ZNF830: variants seen among roughly 807,000 people sequenced by gnomAD.
The protein encoded by ZNF830 is zinc finger protein 830.
Under a neutral mutation model 28.1 loss-of-function variants are expected in ZNF830, and 15 were observed. The ratio of observed to expected loss-of-function variants is 0.53; its 90% confidence interval spans 0.36 to 0.82. ZNF830 has a LOEUF of 0.82. Among genes scored for constraint, ZNF830 ranks in the 40% least tolerant of loss-of-function variants. The pLI is 0.01. For synonymous variants in ZNF830, 208 were observed against 185.3 expected, an observed-to-expected ratio of 1.12 and a Z score of -0.99; for missense variants, 456 against 467.7, an observed-to-expected ratio of 0.97 and a Z score of 0.23.
rs759239283 is a variant in ZNF830, at chr17:34,961,640, T to C, written c.74T>C (p.Met25Thr). ...VINQEELRRL[M>T]KEKQRLSTSR... ...AATCAGGAAGAATTGCGGCGGTTAATGAAGGAGAAGCAGCGTCTGAGCACC... is the reference window on the plus strand; with the variant it reads ...AATCAGGAAGAATTGCGGCGGTTAACGAAGGAGAAGCAGCGTCTGAGCACC... The change falls in exon 1 of 1, where the codon ATG becomes ACG. Residue 25 changes from methionine to threonine, a missense_variant. Coordinates refer to ENST00000361952, the MANE Select transcript of ZNF830 (RefSeq NM_052857.4). The C allele has an allele frequency of 5.6e-6, 9 of 1,613,872 alleles. No individual in the cohort carries two copies. In the South Asian group the frequency reaches 6.6e-5, roughly 12 times the overall value.
rs1348064839 is a variant in ZNF830, at chr17:34,961,642, A to AAGGAGAAGCAGCGTCTG, written c.79_95dup (p.Ser32ArgfsTer6). The AAGGAGAAGCAGCGTCTG allele has an allele frequency of 6.2e-7, 1 of 1,614,030 alleles. No individual in the cohort carries two copies. The highest frequency in any genetic ancestry group is 8.5e-7 in the Non-Finnish European group (1 of 1,180,028). On this transcript the variant is annotated frameshift_variant, in exon 1 of 1. Transcript: ENST00000361952. LOFTEE classifies it high-confidence loss of function. The stretch of plus-strand genomic sequence containing the variant: ...TCAGGAAGAATTGCGGCGGTTAATG[A>AAGGAGAAGCAGCGTCTG]AGGAGAAGCAGCGTCTGAGCACCAG...
In ZNF830 at chr17:34,962,607, G is replaced by A. The variant is rs771512924; in HGVS notation, c.1041G>A (p.Glu347=). The A allele has an allele frequency of 6.2e-7, 1 of 1,613,610 alleles. No individual in the cohort carries two copies. Among genetic ancestry groups the A allele is most frequent in the East Asian group, 2.2e-5 (1 of 44,880 alleles). Residue 347 remains glutamate, a synonymous_variant, in exon 1 of 1, where the codon GAG becomes GAA. Coordinates refer to ENST00000361952, the MANE Select transcript of ZNF830 (RefSeq NM_052857.4). ...AAGAACTGCAGAAAAAGGAAGAAGA[G>A]AATGCTGACAGCGATGATGAGGGGG... The part of the protein sequence containing the change: ...TIKELQKKEE[E]NADSDDEGEL...
At position 34,963,675 on chromosome 17, in the gene ZNF830, C is replaced by G. The variant is rs142506338; in HGVS notation, c.*990C>G. The G allele has an allele frequency of 2.8e-4, 42 of 152,266 alleles. 1 individual carries two copies. Among genetic ancestry groups the G allele is most frequent in the African/African-American group, 9.9e-4 (41 of 41,538 alleles). The allele number at this position is 152,266 out of a possible 1,614,324, so 9.4% of individuals were successfully genotyped here. On this transcript the variant is annotated 3_prime_UTR_variant, in exon 1 of 1. Coordinates refer to ENST00000361952, the MANE Select transcript of ZNF830 (RefSeq NM_052857.4). ...TCATTGATAGTTTAAATCACTCCTT[C>G]CTTTAGAGATTGAGGTACTCAAATA...
rs752386722 is a variant in ZNF830, at chr17:34,962,090, G to C, written c.524G>C (p.Arg175Thr). ...GAGGAGGAGGAAGGAGATGGAGAAA[G>C]AAAAAGGGGGGACGCCAGCAAGCCG... ...EEEEEEGDGE[R>T]KRGDASKPLS... Residue 175 changes from arginine to threonine, a missense_variant, in exon 1 of 1, where the codon AGA becomes ACA. By Grantham distance (71) the Arg-to-Thr change is moderately conservative. Coordinates refer to ENST00000361952, the MANE Select transcript of ZNF830 (RefSeq NM_052857.4). 7.4e-6 allele frequency: 12 copies of C among 1,613,840 alleles called. No individual in the cohort carries two copies. Among genetic ancestry groups the C allele is most frequent in the Middle Eastern group, 3.3e-4 (2 of 6,062 alleles).
At position 34,961,766 on chromosome 17, in the gene ZNF830, A is replaced by G. The variant is rs377669068; in HGVS notation, c.200A>G (p.Gln67Arg). The change falls in exon 1 of 1, where the codon CAG becomes CGG. Residue 67 changes from glutamine to arginine, a missense_variant. Around this residue, in one of 2 missense-constraint regions of ZNF830, gnomAD observed 331 missense variants for 290.1 expected, o/e 1.14. Coordinates refer to ENST00000361952, the MANE Select transcript of ZNF830 (RefSeq NM_052857.4). ...CCGGTTAAGAGCGAGCTCCTGTGGC[A>G]GACTCACGTCCTGGGAAAGCAGCAC... ...NTPVKSELLW[Q>R]THVLGKQHRE... 2 of 1,614,126 alleles carry G rather than the reference A, an allele frequency of 1.2e-6. No homozygotes were observed. Among genetic ancestry groups the G allele is most frequent in the Non-Finnish European group, 1.7e-6 (2 of 1,180,018 alleles).
chr17:34,961,759 C>T lies in ZNF830; in HGVS notation c.193C>T (p.Leu65=), dbSNP rs749617311. ...TAACACTCCGGTTAAGAGCGAGCTC[C>T]TGTGGCAGACTCACGTCCTGGGAAA... The part of the protein sequence containing the change: ...LCNTPVKSEL[L]WQTHVLGKQH... Residue 65 remains leucine, a synonymous_variant, in exon 1 of 1, where the codon CTG becomes TTG. Transcript: ENST00000361952. 2 of 1,614,160 alleles carry T rather than the reference C, an allele frequency of 1.2e-6. No homozygotes were observed. Among genetic ancestry groups the T allele is most frequent in the African/African-American group, 1.3e-5 (1 of 75,042 alleles).
At position 34,963,171 on chromosome 17, in the gene ZNF830, A is replaced by C. The variant is rs1330131780; in HGVS notation, c.*486A>C. 3 of 167,864 alleles carry C rather than the reference A, an allele frequency of 1.8e-5. No individual in the cohort carries two copies. Among genetic ancestry groups the C allele is most frequent in the Non-Finnish European group, 2.9e-5 (2 of 68,828 alleles). 10.4% of individuals were successfully genotyped at this position (167,864 alleles called of 1,614,324 possible). A position where few individuals can be genotyped will look rare whatever the true frequency, so the allele number is the denominator to read the frequency against. On this transcript the variant is annotated 3_prime_UTR_variant, in exon 1 of 1. Coordinates refer to ENST00000361952, the MANE Select transcript of ZNF830 (RefSeq NM_052857.4). ...TTTTAGAACACTTCATAAACACATA[A>C]GTCATTGTAGGTTAATCAGTTCTCT...
In ZNF830 at chr17:34,962,422, A is replaced by G. The variant is rs1187081829; in HGVS notation, c.856A>G (p.Thr286Ala). Residue 286 changes from threonine (T) to alanine (A), a missense_variant, in exon 1 of 1, where the codon ACT becomes GCT. Physicochemically the swap from Thr to Ala is moderately conservative, Grantham distance 58 (BLOSUM62 0). Around this residue, in one of 2 missense-constraint regions of ZNF830, gnomAD observed 125 missense variants for 177.7 expected, o/e 0.70. Transcript: ENST00000361952. Reference sequence around the variant, plus strand: ...CCAAAAAGCCATGAGGCAGGTCAACACTATTTCCGAAGCCATAGTTGCCGA... The same window carrying G: ...CCAAAAAGCCATGAGGCAGGTCAACGCTATTTCCGAAGCCATAGTTGCCGA... ...EFQKAMRQVN[T>A]ISEAIVAEED... 3.7e-6 allele frequency: 6 copies of G among 1,614,080 alleles called. No homozygotes were observed. The highest frequency in any genetic ancestry group is 5.1e-6 in the Non-Finnish European group (6 of 1,180,048).
In ZNF830 at chr17:34,961,584, C is replaced by T. The variant is rs770502503; in HGVS notation, c.18C>T (p.Ser6=). 8 of 1,613,840 alleles carry T rather than the reference C, an allele frequency of 5.0e-6. No individual in the cohort carries two copies. In the South Asian group the frequency reaches 7.7e-5, roughly 16 times the overall value. Reference sequence around the variant, plus strand: ...TCGCCAAGATGGCGTCCTCCGCCTCCGCCCGGACTCCGGCAGGGAAGCGAG... The same window carrying T: ...TCGCCAAGATGGCGTCCTCCGCCTCTGCCCGGACTCCGGCAGGGAAGCGAG... MASSA[S]ARTPAGKRVI... is the part of the protein sequence containing the mutation. Residue 6 remains serine (S), a synonymous_variant, in exon 1 of 1, where the codon TCC becomes TCT. Coordinates refer to ENST00000361952, the MANE Select transcript of ZNF830 (RefSeq NM_052857.4).
Position 34,962,468 on chromosome 17 carries a change from TG to T in ZNF830, c.904del (p.Asp302ThrfsTer11), listed in dbSNP as rs2090431982. The T allele has an allele frequency of 6.2e-7, 1 of 1,614,088 alleles. No individual in the cohort carries two copies. ...GCCGAAGAGGATGAGGAGGGACGGT[TG>T]GACCGCCAGATTGGGGAGATCGATG... ...IVAEEDEEGR[L>X]DRQIGEIDEQ... On this transcript the variant is annotated frameshift_variant, in exon 1 of 1. Coordinates refer to ENST00000361952, the MANE Select transcript of ZNF830 (RefSeq NM_052857.4). LOFTEE classifies it high-confidence loss of function.
rs770502503 is a variant in ZNF830, at chr17:34,961,584, C to A, written c.18C>A (p.Ser6=). MASSA[S]ARTPAGKRVI... Reference sequence around the variant, plus strand: ...TCGCCAAGATGGCGTCCTCCGCCTCCGCCCGGACTCCGGCAGGGAAGCGAG... The same window carrying A: ...TCGCCAAGATGGCGTCCTCCGCCTCAGCCCGGACTCCGGCAGGGAAGCGAG... Residue 6 remains serine (S), a synonymous_variant, in exon 1 of 1, where the codon TCC becomes TCA. Transcript: ENST00000361952. 6.2e-7 allele frequency: 1 copy of A among 1,613,840 alleles called. No individual in the cohort carries two copies. The highest frequency in any genetic ancestry group is 8.5e-7 in the Non-Finnish European group (1 of 1,179,782).
chr17:34,962,916 A>C lies in ZNF830; in HGVS notation c.*231A>C. ...TGAAGTGTTATATACCAAAATGCCA[A>C]CATTTCCACGACAGACTTAACTGTA... On this transcript the variant is annotated 3_prime_UTR_variant, in exon 1 of 1. Coordinates refer to ENST00000361952, the MANE Select transcript of ZNF830 (RefSeq NM_052857.4). 1 of 555,478 alleles carries C rather than the reference A, an allele frequency of 1.8e-6. No individual in the cohort carries two copies. 34.4% of individuals were successfully genotyped at this position (555,478 alleles called of 1,614,324 possible). A position where few individuals can be genotyped will look rare whatever the true frequency, so the allele number is the denominator to read the frequency against.
At position 34,962,114 on chromosome 17, in the gene ZNF830, C is replaced by G. The variant is rs1288526826; in HGVS notation, c.548C>G (p.Pro183Arg). The G allele has an allele frequency of 2.5e-6, 4 of 1,613,988 alleles. No individual in the cohort carries two copies. Among genetic ancestry groups the G allele is most frequent in the Non-Finnish European group, 3.4e-6 (4 of 1,180,010 alleles). The change falls in exon 1 of 1, where the codon CCG (proline) becomes CGG (arginine). Residue 183 changes from proline (P) to arginine (R), a missense_variant. Transcript: ENST00000361952. The part of the protein sequence containing the change: ...GERKRGDASK[P>R]LSDAQGKEHS... ...AGAAAAAGGGGGGACGCCAGCAAGC[C>G]GCTCTCCGACGCACAGGGCAAGGAG...
rs745515824 is a variant in ZNF830 at position 34,961,754 on chromosome 17, A to C, written c.188A>C (p.Glu63Ala). 6.2e-7 allele frequency: 1 copy of C among 1,614,128 alleles called. No homozygotes were observed. The highest frequency in any genetic ancestry group is 1.1e-5 in the South Asian group (1 of 91,070). ...CALCNTPVKS[E>A]LLWQTHVLGK... ...CTGTGTAACACTCCGGTTAAGAGCGAGCTCCTGTGGCAGACTCACGTCCTG... is the reference window on the plus strand; with the variant it reads ...CTGTGTAACACTCCGGTTAAGAGCGCGCTCCTGTGGCAGACTCACGTCCTG... Residue 63 changes from glutamate (E) to alanine (A), a missense_variant, in exon 1 of 1, where the codon GAG (glutamate) becomes GCG (alanine). By Grantham distance (107) the Glu-to-Ala change is moderately radical. Around this residue, in one of 2 missense-constraint regions of ZNF830, gnomAD observed 331 missense variants for 290.1 expected, o/e 1.14. Transcript: ENST00000361952.
rs772944159 is a variant in ZNF830 at position 34,962,047 on chromosome 17, G to A, written c.481G>A (p.Asp161Asn). ...ACTCAGTTTACTCCCCGATTATGAA[G>A]ATGAGGAGGAGGAGGAAGAGGAGGA... ...SGLSLLPDYE[D>N]EEEEEEEEEG... Residue 161 changes from aspartate (D) to asparagine (N), a missense_variant, in exon 1 of 1, where the codon GAT (aspartate) becomes AAT (asparagine). Physicochemically the swap from Asp to Asn is conservative, Grantham distance 23. Transcript: ENST00000361952. The A allele has an allele frequency of 6.2e-7, 1 of 1,613,976 alleles. No individual in the cohort carries two copies. The highest frequency in any genetic ancestry group is 1.1e-5 in the South Asian group (1 of 91,082).
Position 34,961,639 on chromosome 17 carries a change from A to G in ZNF830, c.73A>G (p.Met25Val). The change falls in exon 1 of 1, where the codon ATG becomes GTG. Residue 25 changes from methionine (M) to valine (V), a missense_variant. By Grantham distance (21) the Met-to-Val change is conservative. Around this residue, in one of 2 missense-constraint regions of ZNF830, gnomAD observed 331 missense variants for 290.1 expected, o/e 1.14. Transcript: ENST00000361952. ...AAATCAGGAAGAATTGCGGCGGTTAATGAAGGAGAAGCAGCGTCTGAGCAC... is the reference window on the plus strand; with the variant it reads ...AAATCAGGAAGAATTGCGGCGGTTAGTGAAGGAGAAGCAGCGTCTGAGCAC... ...VINQEELRRL[M>V]KEKQRLSTSR... 1 of 1,614,192 alleles carries G rather than the reference A, an allele frequency of 6.2e-7. No individual in the cohort carries two copies. The highest frequency in any genetic ancestry group is 8.5e-7 in the Non-Finnish European group (1 of 1,180,028).
chr17:34,962,120 C>G lies in ZNF830; in HGVS notation c.554C>G (p.Ser185Cys), dbSNP rs756167899. The G allele has an allele frequency of 2.5e-6, 4 of 1,614,030 alleles. No individual in the cohort carries two copies. Among genetic ancestry groups the G allele is most frequent in the Non-Finnish European group, 3.4e-6 (4 of 1,180,034 alleles). Residue 185 changes from serine (S) to cysteine (C), a missense_variant, in exon 1 of 1, where the codon TCC (serine) becomes TGC (cysteine). Ser to Cys is a moderately radical substitution (Grantham distance 112). Coordinates refer to ENST00000361952, the MANE Select transcript of ZNF830 (RefSeq NM_052857.4). ...AGGGGGGACGCCAGCAAGCCGCTCT[C>G]CGACGCACAGGGCAAGGAGCACTCA... ...RKRGDASKPLSDAQGKEHSVS... is the reference protein window; with the variant it reads ...RKRGDASKPLCDAQGKEHSVS...
Position 34,961,950 on chromosome 17 carries a change from A to T in ZNF830, c.384A>T (p.Thr128=). The T allele has an allele frequency of 6.2e-7, 1 of 1,614,200 alleles. No individual in the cohort carries two copies. The highest frequency in any genetic ancestry group is 8.5e-7 in the Non-Finnish European group (1 of 1,180,042). ...TGGTGCCTCAGGTACAGCCCTCCAC[A>T]TCTGCGTGGACCACCAACTTTGACA... The part of the protein sequence containing the change: ...ATLVPQVQPS[T]SAWTTNFDKI... The change falls in exon 1 of 1, where the codon ACA becomes ACT. Residue 128 remains threonine (T), a synonymous_variant. Coordinates refer to ENST00000361952, the MANE Select transcript of ZNF830 (RefSeq NM_052857.4).
Position 34,962,323 on chromosome 17 carries a change from G to A in ZNF830, c.757G>A (p.Asp253Asn), listed in dbSNP as rs1295280746. Residue 253 changes from aspartate (D) to asparagine (N), a missense_variant, in exon 1 of 1, where the codon GAC becomes AAC. This residue lies in a region of ZNF830 where 125 missense variants were observed against 177.7 expected (regional missense o/e 0.70). Transcript: ENST00000361952. ...AEALPEGFFD[D>N]PEVDARVRKV... The stretch of plus-strand genomic sequence containing the variant: ...AGCGTTACCGGAAGGTTTTTTTGAC[G>A]ACCCTGAGGTAGATGCAAGAGTACG... The A allele has an allele frequency of 1.9e-6, 3 of 1,613,918 alleles. No individual in the cohort carries two copies. The highest frequency in any genetic ancestry group is 2.7e-5 in the African/African-American group (2 of 74,904).
Sources: gnomAD v4.1 joint callset for allele counts on GRCh38, gnomAD v4.1.1 for gene constraint, gnomAD v4.1.1 regional missense constraint, MANE v1.5 for transcripts, NCBI Gene and HGNC (gene_info 2026-07-23, HGNC 2026-07-21) for gene names.